BMP3: variants seen among roughly 807,000 people sequenced by gnomAD.
The protein encoded by BMP3 is bone morphogenetic protein 3 (osteogenic).
A neutral mutation model predicts 38.1 loss-of-function variants in BMP3; 23 were observed. That is an observed-to-expected ratio of 0.60 (90% CI 0.43 to 0.86). BMP3 has a LOEUF of 0.86. Ranked by LOEUF, BMP3 falls within the 40% of genes least tolerant of loss-of-function variation. The pLI is 0.00. For missense variants in BMP3, 628 were observed against 579.6 expected (o/e 1.08, Z -0.86); for synonymous variants, 258 against 225.7 (o/e 1.14, Z -1.28).
At chr4:81,033,246 G>C (rs927562533) in intron 1 of BMP3, among the ~76,000 whole-genome samples, 1 of 152,234 alleles carries the variant, frequency 6.6e-6, no homozygotes, top group Admixed American at 6.5e-5. Context: ...ACATGGTTTG[G>C]AGGTAGAATT....
chr4:81,045,234 C>T (rs1740197553), intron 1 of BMP3, among the ~76,000 whole-genome samples: 2 of 152,036 alleles, frequency 1.3e-5, no homozygotes, highest in African/African-American at 2.4e-5. Flanking sequence ...TTGTCATGTG[C>T]TTCTTGGCCA....
In BMP3 at chr4:81,045,888, C is replaced by A. The variant is rs773959994; in HGVS notation, c.467C>A (p.Ala156Asp). The change falls in exon 2 of 3, where the codon GCT becomes GAT. Residue 156 changes from alanine (A) to aspartate (D), a missense_variant. By Grantham distance (126) the Ala-to-Asp change is moderately radical. Coordinates refer to ENST00000282701, the MANE Select transcript of BMP3 (RefSeq NM_001201.5). ...CPVSGGCSHH[A>D]QRKHIQIDLS... is the part of the protein sequence containing the mutation. ...GTGTCTGGAGGATGCTCCCATCATG[C>A]TCAGAGGAAACACATTCAGATTGAT... 6.2e-7 allele frequency: 1 copy of A among 1,614,112 alleles called. No individual in the cohort carries two copies. The highest frequency in any genetic ancestry group is 1.1e-5 in the South Asian group (1 of 91,082).
chr4:81,048,641 C>T (rs1239323316), intron 2 of BMP3, among the ~76,000 whole-genome samples: 1 of 152,156 alleles, frequency 6.6e-6, no homozygotes, highest in Non-Finnish European at 1.5e-5. Flanking sequence ...TTCAGAAGAG[C>T]TCCATCATGT....
At chr4:81,048,849 T>G in intron 2 of BMP3, among the ~76,000 whole-genome samples, 1 of 152,208 alleles carries the variant, frequency 6.6e-6, no homozygotes, top group East Asian at 1.9e-4. Context: ...TCTGATCCAG[T>G]GGATATAGGA....
At position 81,031,476 on chromosome 4, in the gene BMP3, T is replaced by G. The variant is rs1342906617; in HGVS notation, c.192T>G (p.Tyr64Ter). ...TCTCTGAACACATGCTGCGGCTCTA[T>G]GACAGGTACAGCACGGTCCAGGCGG... ...DKVSEHMLRL[Y>*]DRYSTVQAAR... is the part of the protein sequence containing the mutation. Residue 64 changes from tyrosine (Y) to a stop codon, truncating the protein, a stop_gained, in exon 1 of 3, where the codon TAT becomes TAG. Transcript: ENST00000282701. LOFTEE classifies it high-confidence loss of function. 6.2e-7 allele frequency: 1 copy of G among 1,613,346 alleles called. No individual in the cohort carries two copies. The highest frequency in any genetic ancestry group is 8.5e-7 in the Non-Finnish European group (1 of 1,179,682).
In BMP3 at chr4:81,046,377, A is replaced by G; in HGVS notation, c.956A>G (p.Lys319Arg). Residue 319 changes from lysine (K) to arginine (R), a missense_variant, in exon 2 of 3, where the codon AAG (lysine) becomes AGG (arginine). Transcript: ENST00000282701. ...YKKDEVWEER[K>R]PYKTLQAQAP... is the part of the protein sequence containing the mutation. ...AAGGATGAGGTGTGGGAGGAGAGAA[A>G]GCCTTACAAGACCCTTCAGGCTCAG... 1 of 1,614,018 alleles carries G rather than the reference A, an allele frequency of 6.2e-7. No individual in the cohort carries two copies. Among genetic ancestry groups the G allele is most frequent in the Non-Finnish European group, 8.5e-7 (1 of 1,180,016 alleles).
At chr4:81,043,543 G>A (rs1199614660) in intron 1 of BMP3, among the ~76,000 whole-genome samples, 1 of 149,932 alleles carries the variant, frequency 6.7e-6, no homozygotes, top group Non-Finnish European at 1.5e-5. Flanking sequence ...TTTGAATATT[G>A]AGATGCGTTG....
rs7661611 is a variant in BMP3 at position 81,053,655 on chromosome 4, T to C, written c.*119T>C. On this transcript the variant is annotated 3_prime_UTR_variant, in exon 3 of 3. Transcript: ENST00000282701. ...AATGCATTTTGTTTCAAAAGATTAT[T>C]TCTATAGTCAGAGGGGAATGAGCAA... 0.89 allele frequency: 501,871 copies of C among 560,774 alleles called. 226,681 individuals are homozygous for C. Among genetic ancestry groups the C allele is most frequent in the Non-Finnish European group, 0.93 (344,519 of 370,846 alleles). The allele number at this position is 560,774 out of a possible 1,614,324, so 34.7% of individuals were successfully genotyped here. A position where few individuals can be genotyped will look rare whatever the true frequency, so the allele number is the denominator to read the frequency against.
At chr4:81,033,724 T>G (rs564022384) in intron 1 of BMP3, among the ~76,000 whole-genome samples, 2 of 152,298 alleles carry the variant, frequency 1.3e-5, no homozygotes, top group African/African-American at 4.8e-5. Context: ...GGCAGGACTC[T>G]AGGAAGGTGC....
intron 1 of BMP3, among the ~76,000 whole-genome samples, chr4:81,035,470 AT>A (rs1739898146): frequency 6.6e-6 from 1 of 152,080 alleles, no homozygotes; most frequent in Admixed American, 6.5e-5. Flanking sequence ...GCTCGTAAGC[AT>A]TTGATTGAAT....
chr4:81,047,804 G>A (rs1016454056), intron 2 of BMP3, among the ~76,000 whole-genome samples: 1 of 152,068 alleles, frequency 6.6e-6, no homozygotes, highest in African/African-American at 2.4e-5. Context: ...GTCTGGCACA[G>A]TGGCATGCCC....
intron 1 of BMP3, among the ~76,000 whole-genome samples, chr4:81,041,501 C>A (rs771584806): frequency 3.5e-4 from 53 of 151,994 alleles, no homozygotes; most frequent in Non-Finnish European, 7.1e-4. Context: ...CTAGAACAGG[C>A]AGAGATCCCT....
Position 81,045,988 on chromosome 4 carries a change from A to G in BMP3, c.567A>G (p.Lys189=), listed in dbSNP as rs760185107. ...GCCATCTGTCAGTGGATATGGCCAA[A>G]TCTCATCGAGATATTATGTCCTGGC... ...LLGHLSVDMA[K]SHRDIMSWLS... Residue 189 remains lysine (K), a synonymous_variant, in exon 2 of 3, where the codon AAA becomes AAG. Transcript: ENST00000282701. The G allele has an allele frequency of 6.2e-7, 1 of 1,614,052 alleles. No homozygotes were observed. The highest frequency in any genetic ancestry group is 8.5e-7 in the Non-Finnish European group (1 of 1,180,032).
At chr4:81,044,495 T>G (rs1740177641) in intron 1 of BMP3, among the ~76,000 whole-genome samples, 2 of 152,264 alleles carry the variant, frequency 1.3e-5, no homozygotes, top group African/African-American at 4.8e-5. Context: ...AGTATAAATT[T>G]AACTAATTTT....
Position 81,046,257 on chromosome 4 carries a change from C to T in BMP3, c.836C>T (p.Ala279Val). Reference protein sequence around the residue: ...TVPKWDSHIRAALSIERRKKR... With the variant: ...TVPKWDSHIRVALSIERRKKR... ...CCCAAATGGGATAGCCACATCAGAG[C>T]TGCCCTTTCCATTGAGCGGAGGAAG... Residue 279 changes from alanine (A) to valine (V), a missense_variant, in exon 2 of 3, where the codon GCT becomes GTT. Ala to Val is a moderately conservative substitution (Grantham distance 64). Coordinates refer to ENST00000282701, the MANE Select transcript of BMP3 (RefSeq NM_001201.5). The T allele has an allele frequency of 6.2e-7, 1 of 1,614,078 alleles. No homozygotes were observed. Among genetic ancestry groups the T allele is most frequent in the Non-Finnish European group, 8.5e-7 (1 of 1,180,006 alleles).
rs965953329 is a variant in BMP3, at chr4:81,046,197, T to C, written c.776T>C (p.Leu259Ser). The change falls in exon 2 of 3, where the codon TTA becomes TCA. Residue 259 changes from leucine to serine, a missense_variant. By Grantham distance (145) the Leu-to-Ser change is moderately radical. Coordinates refer to ENST00000282701, the MANE Select transcript of BMP3 (RefSeq NM_001201.5). ...ISEPESVVSS[L>S]QGHRNFPTGT... ...GAGCCAGAAAGTGTGGTATCAAGCTTACAGGGACACCGGAATTTTCCCACT... is the reference window on the plus strand; with the variant it reads ...GAGCCAGAAAGTGTGGTATCAAGCTCACAGGGACACCGGAATTTTCCCACT... 3 of 1,614,080 alleles carry C rather than the reference T, an allele frequency of 1.9e-6. No homozygotes were observed. Among genetic ancestry groups the C allele is most frequent in the Non-Finnish European group, 8.5e-7 (1 of 1,180,014 alleles).
intron 1 of BMP3, among the ~76,000 whole-genome samples, chr4:81,040,833 T>G (rs1740053723): frequency 6.6e-6 from 1 of 152,174 alleles, no homozygotes; most frequent in African/African-American, 2.4e-5. Flanking sequence ...TAAAAACGCA[T>G]AAGTATTTTT....
intron 1 of BMP3, among the ~76,000 whole-genome samples, chr4:81,036,411 A>T (rs1451793697): frequency 6.6e-6 from 1 of 151,964 alleles, no homozygotes; most frequent in Non-Finnish European, 1.5e-5. Context: ...CTTGTTATAT[A>T]TTTTCTTTTG....
intron 1 of BMP3, among the ~76,000 whole-genome samples, chr4:81,033,232 A>G (rs1161650263): frequency 1.3e-5 from 2 of 152,256 alleles, no homozygotes; most frequent in Non-Finnish European, 2.9e-5. Flanking sequence ...TTATAGAATG[A>G]ACCACATGGT....
Sources: allele counts gnomAD v4.1 joint callset (sites outside exome capture counted in the v4.1 genomes callset), GRCh38; gene constraint gnomAD v4.1.1; transcripts MANE v1.5; gene names NCBI Gene and HGNC (gene_info 2026-07-23, HGNC 2026-07-21).